The following TPM1 variants were observed in gnomAD, a reference collection of about 807,000 sequenced individuals.
TPM1 encodes tropomyosin 1.
Under a neutral mutation model 42.9 loss-of-function variants are expected in TPM1, and 24 were observed. The observed-to-expected ratio is 0.56, with a 90% CI of 0.41 to 0.79. The LOEUF (loss-of-function observed/expected upper bound fraction) is 0.79. Ranked by LOEUF, TPM1 falls within the 30% of genes least tolerant of loss-of-function variation. The pLI is 0.00. For missense variants in TPM1, 158 were observed against 351.8 expected, an observed-to-expected ratio of 0.45 and a Z score of 4.41; for synonymous variants, 136 against 130.1, an observed-to-expected ratio of 1.05 and a Z score of -0.31.
At chr15:63,052,711 A>T (rs1048480416) in intron 2 of TPM1, among the ~76,000 whole-genome samples, 1 of 151,674 alleles carries the variant, frequency 6.6e-6, no homozygotes, top group Admixed American at 6.6e-5. Context: ...GGTCCTTAAG[A>T]CTCCCCAGGT....
downstream of TPM1, among the ~76,000 whole-genome samples, chr15:63,066,725 T>G (rs1167948570): frequency 2.6e-5 from 4 of 152,242 alleles, no homozygotes; most frequent in Non-Finnish European, 5.9e-5. Flanking sequence ...ACCTTTATTT[T>G]GATCATGAAA....
chr15:63,044,457 T>A (rs1344642649), intron 2 of TPM1: 5 of 593,270 alleles, frequency 8.4e-6, no homozygotes, highest in Non-Finnish European at 1.5e-5. Context: ...ACCTCCCTGG[T>A]GGCAGAAAAC....
intron 5 of TPM1, chr15:63,061,170 C>T (rs1596379254): frequency 6.2e-7 from 1 of 1,611,110 alleles, no homozygotes; most frequent in Non-Finnish European, 8.5e-7. Context: ...TGTGAATGGC[C>T]TTGTGCATTT....
At chr15:63,051,058 A>G (rs2033755049) in intron 2 of TPM1, among the ~76,000 whole-genome samples, 1 of 152,214 alleles carries the variant, frequency 6.6e-6, no homozygotes, top group Non-Finnish European at 1.5e-5. Context: ...GAATGAGGCT[A>G]CTTTGCTTGA....
chr15:63,070,383 T>C, downstream of TPM1: 1 of 996,846 alleles, frequency 1.0e-6, no homozygotes, highest in Non-Finnish European at 1.2e-6. Flanking sequence ...GTATAGTGTT[T>C]GAAATATGAT....
At chr15:63,061,523 CTGCTGT>C in intron 5 of TPM1, 184 bp from the exon 6 acceptor site, 1 of 729,996 alleles carries the variant, frequency 1.4e-6, no homozygotes, top group East Asian at 2.7e-5. Context: ...ACCCTGCCTT[CTGCTGT>C]TGCGAGGTTG....
intron 8 of TPM1, chr15:63,063,353 A>G: frequency 1.0e-6 from 1 of 985,464 alleles, no homozygotes; most frequent in Non-Finnish European, 1.2e-6. Context: ...GAGAATGACA[A>G]ATGGTTGCAA....
At chr15:63,048,320 G>T in intron 2 of TPM1, 1 of 1,002,520 alleles carries the variant, frequency 1.0e-6, no homozygotes, top group East Asian at 4.1e-5. Context: ...AGCATGCGCA[G>T]TGCCCCCAGC....
intron 2 of TPM1, chr15:63,048,799 C>T (rs759671881): frequency 4.0e-6 from 6 of 1,486,666 alleles, no homozygotes; most frequent in Non-Finnish European, 5.4e-6. Flanking sequence ...CCCGCAGGCC[C>T]CGGTCCCTCG....
chr15:63,059,635 A>G lies in TPM1; in HGVS notation c.447A>G (p.Lys149=), dbSNP rs774283931. Residue 149 remains lysine, a synonymous_variant, in exon 4 of 10, where the codon AAA becomes AAG. Coordinates refer to ENST00000403994, the MANE Select transcript of TPM1 (RefSeq NM_001018005.2). Reference sequence around the variant, plus strand: ...TGGAAATTCAGGAGATCCAACTGAAAGAGGCCAAGCACATTGCTGAAGATG... The same window carrying G: ...TGGAAATTCAGGAGATCCAACTGAAGGAGGCCAAGCACATTGCTGAAGATG... ...EKMEIQEIQL[K]EAKHIAEDAD... 4 of 1,612,590 alleles carry G rather than the reference A, an allele frequency of 2.5e-6. No homozygotes were observed. The highest frequency in any genetic ancestry group is 1.7e-5 in the Admixed American group (1 of 59,982).
At chr15:63,066,397 T>A (rs142315971), downstream of TPM1, among the ~76,000 whole-genome samples, 8 of 152,298 alleles carry the variant, frequency 5.3e-5, no homozygotes, top group East Asian at 1.9e-4. Context: ...GCAGTCTGGG[T>A]CACACAGGGG....
chr15:63,060,772 C>T (rs2035503490), intron 4 of TPM1, 97 bp from the exon 5 acceptor site: 1 of 1,360,270 alleles, frequency 7.4e-7, no homozygotes, highest in South Asian at 1.2e-5. Flanking sequence ...AGACAAAACC[C>T]TTAGGGCCTG....
rs919533451 is a variant in TPM1, at chr15:63,063,827, T to C, written c.773-237T>C. 9.4e-6 allele frequency: 5 copies of C among 532,910 alleles called. No homozygotes were observed. In the African/African-American group the frequency reaches 9.5e-5, roughly 10 times the overall value. The allele number at this position is 532,910 out of a possible 1,614,324, so 33.0% of individuals were successfully genotyped here. ...TACCATATTTGTTAGGATTTTCATA[T>C]TGAGTCTTTTTCATTTTATTTTCTA... On this transcript the variant is annotated intron_variant, in intron 8 of 9. Transcript: ENST00000403994.
At chr15:63,062,981 C>T in intron 8 of TPM1, 1 of 1,376,230 alleles carries the variant, frequency 7.3e-7, no homozygotes, top group Non-Finnish European at 9.3e-7. Flanking sequence ...GTGTTACTTC[C>T]TAATTAAATT....
chr15:63,056,929 A>T lies in TPM1; in HGVS notation c.241-56A>T, dbSNP rs1023668426. 3 of 1,613,018 alleles carry T rather than the reference A, an allele frequency of 1.9e-6. No individual in the cohort carries two copies. In the African/African-American group the frequency reaches 4.0e-5, roughly 22 times the overall value. On this transcript the variant is annotated intron_variant, in intron 2 of 9. Coordinates refer to ENST00000403994, the MANE Select transcript of TPM1 (RefSeq NM_001018005.2). ...GCATTGCAGTCCCAGCCATTTCCTGAAGCTACCACCCTCACTTTCTCCCCA... is the reference window on the plus strand; with the variant it reads ...GCATTGCAGTCCCAGCCATTTCCTGTAGCTACCACCCTCACTTTCTCCCCA...
At chr15:63,053,896 G>T (rs145338247) in intron 2 of TPM1, among the ~76,000 whole-genome samples, 1 of 151,816 alleles carries the variant, frequency 6.6e-6, no homozygotes, top group East Asian at 1.9e-4. Flanking sequence ...TGGTCAGGCT[G>T]GTCTCGAACT....
At chr15:63,054,973 C>A (rs1159446589) in intron 2 of TPM1, among the ~76,000 whole-genome samples, 1 of 151,570 alleles carries the variant, frequency 6.6e-6, no homozygotes, top group East Asian at 1.9e-4. Context: ...GTGAAGAAAT[C>A]TTACCTGACC....
chr15:63,066,056 C>T lies in TPM1; in HGVS notation c.*157C>T. ...CACTGTGCTTTCTATTGTACAGAAG[C>T]TCTTCGTTTCAGTGTCAAATAAACA... On this transcript the variant is annotated 3_prime_UTR_variant, in exon 10 of 10. Coordinates refer to ENST00000403994, the MANE Select transcript of TPM1 (RefSeq NM_001018005.2). The T allele has an allele frequency of 6.5e-7, 1 of 1,538,464 alleles. No individual in the cohort carries two copies. Among genetic ancestry groups the T allele is most frequent in the South Asian group, 1.2e-5 (1 of 82,314 alleles).
downstream of TPM1, chr15:63,070,357 A>G (rs759514819): frequency 1.0e-4 from 102 of 997,336 alleles, no homozygotes; most frequent in Non-Finnish European, 1.2e-4. Context: ...TCATATTCCT[A>G]ACTTCTAAAT....
Sources: gnomAD v4.1 joint callset for allele counts (sites outside exome capture counted in the v4.1 genomes callset) on GRCh38, gnomAD v4.1.1 for gene constraint, MANE v1.5 for transcripts, NCBI Gene and HGNC (gene_info 2026-07-23, HGNC 2026-07-21) for gene names.